Variants in SLC24A4 observed in about 807,000 individuals in gnomAD.
SLC24A4 encodes the protein sodium/potassium/calcium exchanger 4.
In SLC24A4, 53 loss-of-function variants were observed where a neutral mutation model predicts 79.0. That is an observed-to-expected ratio of 0.67 (90% CI 0.54 to 0.84). The LOEUF is 0.84. SLC24A4 is among the 40% of genes least tolerant of loss of function. The probability of loss-of-function intolerance (pLI) is 0.00; values close to 1 mark genes in which losing one functional copy is unlikely to be tolerated. For missense variants in SLC24A4, 731 were observed against 822.0 expected, an observed-to-expected ratio of 0.89 and a Z score of 1.35; for synonymous variants, 323 against 323.8, an observed-to-expected ratio of 1.00 and a Z score of 0.03.
chr14:92,375,681 G>A (rs181199010), intron 2 of SLC24A4, among the ~76,000 whole-genome samples: 3 of 152,298 alleles, frequency 2.0e-5, no homozygotes, highest in East Asian at 3.9e-4. Flanking sequence ...AACACATTAC[G>A]CTAAGTGAAA....
chr14:92,406,832 TC>T lies in SLC24A4; in HGVS notation c.242-27076del, dbSNP rs576215175. Among the ~76,000 whole-genome samples the T allele has an allele frequency of 4.6e-3, 706 of 152,322 alleles. 4 individuals are homozygous for T. Among genetic ancestry groups the T allele is most frequent in the African/African-American group, 0.016 (679 of 41,572 alleles). On this transcript the variant is annotated intron_variant, in intron 2 of 16. Coordinates refer to ENST00000532405, the MANE Select transcript of SLC24A4 (RefSeq NM_153646.4). Reference sequence around the variant, plus strand: ...TCTCTGAAATGCCCTGGAGACATTTTCCCCATTGTCTTGGCTATTAACATTC... The same window carrying T: ...TCTCTGAAATGCCCTGGAGACATTTTCCCATTGTCTTGGCTATTAACATTC...
intron 2 of SLC24A4, among the ~76,000 whole-genome samples, chr14:92,429,042 G>A (rs1409684522): frequency 6.6e-6 from 1 of 152,194 alleles, no homozygotes; most frequent in Non-Finnish European, 1.5e-5. Flanking sequence ...TGGCAGTCGA[G>A]GTTATAGAGA....
At chr14:92,325,058 G>A (rs1202873021) in intron 1 of SLC24A4, among the ~76,000 whole-genome samples, 1 of 152,008 alleles carries the variant, frequency 6.6e-6, no homozygotes, top group East Asian at 1.9e-4. Context: ...CTTTGCAATT[G>A]GGCAAGTCAG....
chr14:92,483,730 G>A, intron 13 of SLC24A4: 7 of 1,289,856 alleles, frequency 5.4e-6, no homozygotes, highest in Non-Finnish European at 7.1e-6. Flanking sequence ...ATTCCCAGGA[G>A]CAAAGAGAGG....
At chr14:92,472,411 T>TC (rs1043599140) in intron 12 of SLC24A4, among the ~76,000 whole-genome samples, 1 of 152,082 alleles carries the variant, frequency 6.6e-6, no homozygotes, top group Non-Finnish European at 1.5e-5. Context: ...TCCCACCCTT[T>TC]CCCCCGAGTC....
chr14:92,458,747 G>T (rs79764728), intron 12 of SLC24A4, among the ~76,000 whole-genome samples: 1 of 152,258 alleles, frequency 6.6e-6, no homozygotes, highest in African/African-American at 2.4e-5. Flanking sequence ...CCAAGTTATC[G>T]CACCCCCAGC....
In SLC24A4 at chr14:92,325,958, C is replaced by G; in HGVS notation, c.221C>G (p.Ala74Gly). Residue 74 changes from alanine (A) to glycine (G), a missense_variant, in exon 2 of 17, where the codon GCC (alanine) becomes GGC (glycine). Coordinates refer to ENST00000532405, the MANE Select transcript of SLC24A4 (RefSeq NM_153646.4). ...LMAPVNGTQT[A>G]KNCTDPAIHE... ...GCCCCAGTGAATGGGACACAGACAG[C>G]CAAGAACTGCACAGATCCTGGTAAG... 6.2e-7 allele frequency: 1 copy of G among 1,609,962 alleles called. No homozygotes were observed. The highest frequency in any genetic ancestry group is 1.1e-5 in the South Asian group (1 of 90,672).
intron 14 of SLC24A4, among the ~76,000 whole-genome samples, chr14:92,487,167 T>C (rs920174624): frequency 1.3e-5 from 2 of 152,206 alleles, no homozygotes; most frequent in African/African-American, 4.8e-5. Context: ...AACTCCCCCA[T>C]TCTTCTTCTG....
chr14:92,327,451 G>A (rs1885212336), intron 2 of SLC24A4, among the ~76,000 whole-genome samples: 3 of 152,216 alleles, frequency 2.0e-5, no homozygotes, highest in South Asian at 2.1e-4. Flanking sequence ...GGCTCCACAC[G>A]GAAAAACATG....
At chr14:92,378,288 T>C (rs1242173663) in intron 2 of SLC24A4, among the ~76,000 whole-genome samples, 1 of 152,174 alleles carries the variant, frequency 6.6e-6, no homozygotes, top group Non-Finnish European at 1.5e-5. Flanking sequence ...TGCATTATTT[T>C]TGTTGGGTTC....
Position 92,492,198 on chromosome 14 carries a change from G to A in SLC24A4, c.1674G>A (p.Leu558=). The change falls in exon 16 of 17, where the codon CTG becomes CTA. Residue 558 remains leucine, a synonymous_variant. Coordinates refer to ENST00000532405, the MANE Select transcript of SLC24A4 (RefSeq NM_153646.4). ...AGGTGAAGATCAACAGCCGGGGGCT[G>A]GTCTATTCCGTGGTCCTGTTGCTGG... ...GSTVKINSRG[L]VYSVVLLLGS... is the part of the protein sequence containing the mutation. 3 of 1,614,132 alleles carry A rather than the reference G, an allele frequency of 1.9e-6. No homozygotes were observed. The highest frequency in any genetic ancestry group is 2.5e-6 in the Non-Finnish European group (3 of 1,180,004).
Position 92,498,529 on chromosome 14 carries a change from C to T in SLC24A4, c.*4901C>T, listed in dbSNP as rs36032836. ...TTTTTTTTTTTTTGAGACAGGGTCT[C>T]GCTCTGTCGCCTAGACTCAGTGCAG... On this transcript the variant is annotated 3_prime_UTR_variant, in exon 17 of 17. Coordinates refer to ENST00000532405, the MANE Select transcript of SLC24A4 (RefSeq NM_153646.4). 0.14 allele frequency: 21,245 copies of T among 148,330 alleles called. 1,848 individuals carry two copies. The highest frequency in any genetic ancestry group is 0.19 in the Non-Finnish European group (12,860 of 67,562). 9.2% of individuals were successfully genotyped at this position (148,330 alleles called of 1,614,324 possible).
At chr14:92,360,421 G>A (rs1482464864) in intron 2 of SLC24A4, among the ~76,000 whole-genome samples, 1 of 152,160 alleles carries the variant, frequency 6.6e-6, no homozygotes, top group Non-Finnish European at 1.5e-5. Context: ...TCTCTACTCA[G>A]CACTATTAGT....
At chr14:92,384,491 G>T (rs536888312) in intron 2 of SLC24A4, among the ~76,000 whole-genome samples, 15 of 151,552 alleles carry the variant, frequency 9.9e-5, no homozygotes, top group African/African-American at 3.6e-4. Flanking sequence ...GAGATGGGGG[G>T]TGGGGTGGGG....
At chr14:92,392,996 C>T (rs964436204) in intron 2 of SLC24A4, among the ~76,000 whole-genome samples, 3 of 151,912 alleles carry the variant, frequency 2.0e-5, no homozygotes, top group African/African-American at 7.3e-5. Context: ...TGTGAGGTCA[C>T]GTGGGAGGCG....
chr14:92,435,683 G>C (rs1242161151), intron 3 of SLC24A4, among the ~76,000 whole-genome samples: 1 of 152,180 alleles, frequency 6.6e-6, no homozygotes, highest in Admixed American at 6.6e-5. Flanking sequence ...TTCCCACATA[G>C]GTAGTAACAA....
chr14:92,352,373 A>AAT (rs879934130), intron 2 of SLC24A4, among the ~76,000 whole-genome samples: 5 of 152,214 alleles, frequency 3.3e-5, no homozygotes, highest in Admixed American at 3.3e-4. Flanking sequence ...GAAGGTTATG[A>AAT]ATATGGTATA....
chr14:92,436,322 T>C (rs1041330529), intron 3 of SLC24A4, among the ~76,000 whole-genome samples: 2 of 152,342 alleles, frequency 1.3e-5, no homozygotes, highest in South Asian at 2.1e-4. Context: ...TAAAGTTTTA[T>C]TGGAGCACTG....
At chr14:92,348,981 C>G (rs889763604) in intron 2 of SLC24A4, among the ~76,000 whole-genome samples, 1 of 151,878 alleles carries the variant, frequency 6.6e-6, no homozygotes, top group African/African-American at 2.4e-5. Context: ...GTTACCAGCT[C>G]GCAGGGAGGC....
Sources: allele counts gnomAD v4.1 joint callset (sites outside exome capture counted in the v4.1 genomes callset), GRCh38; gene constraint gnomAD v4.1.1; transcripts MANE v1.5; gene names NCBI Gene and HGNC (gene_info 2026-07-23, HGNC 2026-07-21).